The following SCRN1 variants were observed in gnomAD, a reference collection of about 807,000 sequenced individuals.
SCRN1 encodes the protein secernin-1.
In SCRN1, 19 loss-of-function variants were observed where a neutral mutation model predicts 43.3. That is an observed-to-expected ratio of 0.44 (90% CI 0.31 to 0.64). The LOEUF (loss-of-function observed/expected upper bound fraction) is 0.64, where lower values mean the gene tolerates loss of function less well. Among genes scored for constraint, SCRN1 ranks in the 30% least tolerant of loss-of-function variants. SCRN1 has a pLI of 0.09. For missense variants in SCRN1, 447 were observed against 524.1 expected, an observed-to-expected ratio of 0.85 and a Z score of 1.44; for synonymous variants, 183 against 188.9, an observed-to-expected ratio of 0.97 and a Z score of 0.26.
At chr7:29,943,925 T>C in intron 4 of SCRN1, 52 bp downstream of exon 4, 1 of 1,541,886 alleles carries the variant, frequency 6.5e-7, no homozygotes, top group Non-Finnish European at 9.0e-7. Context: ...GGCCACCCCA[T>C]CTCTGTGGCC....
chr7:29,976,975 G>A (rs1788855092), intron 1 of SCRN1, among the ~76,000 whole-genome samples: 1 of 152,200 alleles, frequency 6.6e-6, no homozygotes, highest in African/African-American at 2.4e-5. Context: ...AGTTCAGTGA[G>A]TAGTTATTGA....
At chr7:29,969,118 T>C in intron 1 of SCRN1, 50 bp from the exon 2 acceptor site, 1 of 1,578,130 alleles carries the variant, frequency 6.3e-7, no homozygotes, top group Non-Finnish European at 8.6e-7. Context: ...CATGGAACAC[T>C]CCAACAGTGA....
chr7:29,967,622 C>T (rs1369294705), intron 2 of SCRN1, among the ~76,000 whole-genome samples: 1 of 152,118 alleles, frequency 6.6e-6, no homozygotes, highest in Admixed American at 6.6e-5. Flanking sequence ...TAGGGAAGCA[C>T]TAGAGACAGC....
chr7:29,926,811 T>C (rs965763411), intron 6 of SCRN1, among the ~76,000 whole-genome samples, 179 bp from the exon 7 acceptor site: 5 of 152,146 alleles, frequency 3.3e-5, no homozygotes, highest in African/African-American at 1.2e-4. Flanking sequence ...GTCGCTATTT[T>C]AGCAAAACTG....
chr7:29,964,590 C>A lies in SCRN1; in HGVS notation c.159+4319G>T, dbSNP rs928769756. Reference sequence around the variant, plus strand: ...GATACTACAATGGCTTGTCATTATACATATAGGTATACCCACAGGATATCC... The same window carrying A: ...GATACTACAATGGCTTGTCATTATAAATATAGGTATACCCACAGGATATCC... On this transcript the variant is annotated intron_variant, in intron 2 of 7. Coordinates refer to ENST00000242059, the MANE Select transcript of SCRN1 (RefSeq NM_014766.5). 1.3e-5 allele frequency among the ~76,000 whole-genome samples: 2 copies of A among 152,056 alleles called. 1 individual carries two copies. The highest frequency in any genetic ancestry group is 1.3e-4 in the Admixed American group (2 of 15,268).
At chr7:29,962,231 ATG>A (rs1217288866) in intron 2 of SCRN1, among the ~76,000 whole-genome samples, 1 of 148,056 alleles carries the variant, frequency 6.8e-6, no homozygotes, top group East Asian at 1.9e-4. Flanking sequence ...AATTATGTAT[ATG>A]TAATTAAATT....
chr7:29,933,754 G>A (rs1583653887), intron 6 of SCRN1, among the ~76,000 whole-genome samples: 1 of 152,202 alleles, frequency 6.6e-6, no homozygotes, highest in Admixed American at 6.5e-5. Context: ...AAAAGAGGAT[G>A]TGAGCGCAAG....
At chr7:29,988,528 G>A (rs976556618) in intron 1 of SCRN1, 2 of 152,286 alleles carry the variant, frequency 1.3e-5, no homozygotes, top group Non-Finnish European at 2.9e-5. Context: ...GGCAGCTGAT[G>A]GTTGTGGTCT....
chr7:29,968,802 A>G (rs1329483218), intron 2 of SCRN1, 107 bp downstream of exon 2: 2 of 1,357,550 alleles, frequency 1.5e-6, no homozygotes, highest in Non-Finnish European at 2.1e-6. Flanking sequence ...AACTGACATG[A>G]TAGCTCTGAC....
chr7:29,961,902 G>A (rs1788334674), intron 2 of SCRN1, among the ~76,000 whole-genome samples: 2 of 152,156 alleles, frequency 1.3e-5, no homozygotes, highest in East Asian at 1.9e-4. Context: ...TGGAGATGAT[G>A]GCTGGATGGG....
At chr7:29,932,651 C>CA (rs1162835669) in intron 6 of SCRN1, among the ~76,000 whole-genome samples, 1,365 of 8,026 alleles carry the variant, frequency 0.17, 407 homozygotes, top group Non-Finnish European at 0.27. Context: ...GATTCCATCT[C>CA]AAAAAAAAAA....
chr7:29,947,128 A>G (rs17158546), intron 3 of SCRN1: 29,032 of 1,501,964 alleles, frequency 0.019, 471 homozygotes, highest in East Asian at 0.084. Flanking sequence ...TTAGAGTTCC[A>G]CTGTAACATC....
intron 6 of SCRN1, among the ~76,000 whole-genome samples, chr7:29,935,593 A>T (rs1787297687): frequency 6.6e-6 from 1 of 152,214 alleles, no homozygotes; most frequent in East Asian, 1.9e-4. Context: ...CACCTCAAAG[A>T]TTCTGATACA....
chr7:29,936,537 G>T lies in SCRN1; in HGVS notation c.905+19C>A. 2 of 1,544,240 alleles carry T rather than the reference G, an allele frequency of 1.3e-6. No individual in the cohort carries two copies. The highest frequency in any genetic ancestry group is 2.5e-5 in the South Asian group (2 of 81,536). The stretch of plus-strand genomic sequence containing the variant: ...GGAAGCACTTATGTTCTGCCTACGT[G>T]ACCAGGCCTCGGACAAACCTGGAAG... On this transcript the variant is annotated intron_variant, in intron 6 of 7. Coordinates refer to ENST00000242059, the MANE Select transcript of SCRN1 (RefSeq NM_014766.5).
At chr7:29,925,854 CAAAAA>C (rs59395122) in intron 7 of SCRN1, among the ~76,000 whole-genome samples, 1 of 83,982 alleles carries the variant, frequency 1.2e-5, no homozygotes, top group African/African-American at 4.1e-5. Flanking sequence ...ACTAAAAATA[CAAAAA>C]AAAAAAAAAA....
At chr7:29,924,513 C>T (rs767522731) in intron 7 of SCRN1, among the ~76,000 whole-genome samples, 2 of 152,232 alleles carry the variant, frequency 1.3e-5, no homozygotes, top group South Asian at 2.1e-4. Context: ...CCTTTCTCAG[C>T]GCTTGGTCGA....
chr7:29,971,141 A>T (rs1299096315), intron 1 of SCRN1, among the ~76,000 whole-genome samples: 3 of 152,218 alleles, frequency 2.0e-5, no homozygotes, highest in Non-Finnish European at 4.4e-5. Context: ...ATCTTTTCAG[A>T]AAAGCACAAG....
chr7:29,931,647 T>C (rs1306732921), intron 6 of SCRN1, among the ~76,000 whole-genome samples: 1 of 152,206 alleles, frequency 6.6e-6, no homozygotes, highest in Non-Finnish European at 1.5e-5. Context: ...TAGCCAACAG[T>C]GTTGTCCTCA....
intron 5 of SCRN1, among the ~76,000 whole-genome samples, chr7:29,938,527 G>C (rs1562805411): frequency 6.6e-6 from 1 of 152,246 alleles, no homozygotes; most frequent in Non-Finnish European, 1.5e-5. Context: ...GCCCACGCTG[G>C]AAGGTTGTGG....
Sources: gnomAD v4.1 joint callset for allele counts (sites outside exome capture counted in the v4.1 genomes callset) on GRCh38, gnomAD v4.1.1 for gene constraint, MANE v1.5 for transcripts, NCBI Gene and HGNC (gene_info 2026-07-23, HGNC 2026-07-21) for gene names.